Variants in ZNF69 observed in about 807,000 individuals in gnomAD.
The protein encoded by ZNF69 is ZNF3.
Under a neutral mutation model 50.9 loss-of-function variants are expected in ZNF69, and 47 were observed. The observed-to-expected ratio is 0.92, with a 90% CI of 0.73 to 1.18. The LOEUF is 1.18. ZNF69 is among the 50% of genes most tolerant of loss of function. The probability of loss-of-function intolerance (pLI) is 0.00; values close to 1 mark genes in which losing one functional copy is unlikely to be tolerated. For synonymous variants in ZNF69, 216 were observed against 223.1 expected (o/e 0.97, Z 0.29); for missense variants, 717 against 675.1 (o/e 1.06, Z -0.69).
chr19:11,953,411 A>G, the ZNF69 span: 5 of 152,256 alleles, frequency 3.3e-5, no homozygotes, highest in African/African-American at 7.2e-5. Context: ...GGGTGTTCAT[A>G]TGCCAGGAAG....
intron 1 of ZNF69, among the ~76,000 whole-genome samples, chr19:11,890,476 G>A (rs1258959537): frequency 6.6e-6 from 1 of 152,200 alleles, no homozygotes; most frequent in East Asian, 1.9e-4. Flanking sequence ...GCACAGGGTT[G>A]GGGCTAAAGT....
the ZNF69 span, chr19:11,950,369 A>T: frequency 1.9e-6 from 2 of 1,064,000 alleles, no homozygotes; most frequent in Non-Finnish European, 2.8e-6. Flanking sequence ...GAAAGGACTC[A>T]CACTGGGGAG....
At chr19:11,931,923 C>G in the ZNF69 span, among the ~76,000 whole-genome samples, 3 of 147,916 alleles carry the variant, frequency 2.0e-5, no homozygotes, top group South Asian at 6.3e-4. Flanking sequence ...CAAGATCACC[C>G]TGACGAGCAT....
chr19:11,965,650 C>T, the ZNF69 span, among the ~76,000 whole-genome samples: 2 of 152,182 alleles, frequency 1.3e-5, no homozygotes, highest in Non-Finnish European at 2.9e-5. Flanking sequence ...TTTGAGCAAA[C>T]AGCAATTCAG....
At chr19:11,924,638 G>A in the ZNF69 span, among the ~76,000 whole-genome samples, 1 of 152,072 alleles carries the variant, frequency 6.6e-6, no homozygotes, top group African/African-American at 2.4e-5. Flanking sequence ...AGGGGATGGG[G>A]GTGTGTGAGC....
the ZNF69 span, among the ~76,000 whole-genome samples, chr19:11,931,387 A>T: frequency 6.8e-6 from 1 of 148,018 alleles, no homozygotes; most frequent in African/African-American, 2.7e-5. Context: ...AATCTCATTC[A>T]GAAAGGATTT....
the ZNF69 span, among the ~76,000 whole-genome samples, chr19:11,974,318 T>C: frequency 6.6e-6 from 1 of 151,064 alleles, no homozygotes; most frequent in African/African-American, 2.4e-5. Context: ...TGACTCAGCC[T>C]CCCAAGTAGC....
chr19:11,941,628 G>T, the ZNF69 span, among the ~76,000 whole-genome samples: 1 of 152,178 alleles, frequency 6.6e-6, no homozygotes, highest in Non-Finnish European at 1.5e-5. Flanking sequence ...CAGAACTCCA[G>T]CTGGCCCGCA....
the ZNF69 span, chr19:11,977,448 G>A: frequency 2.5e-6 from 4 of 1,613,414 alleles, no homozygotes; most frequent in Non-Finnish European, 3.4e-6. Context: ...GGCACTTAAA[G>A]AGAAAGCAGT....
chr19:11,922,239 A>T, the ZNF69 span, among the ~76,000 whole-genome samples: 1 of 152,228 alleles, frequency 6.6e-6, no homozygotes, highest in Non-Finnish European at 1.5e-5. Context: ...CTTTCAATGC[A>T]GCTACAAGGA....
intron 2 of ZNF69, 52 bp downstream of exon 2, chr19:11,903,751 G>C: frequency 6.2e-7 from 1 of 1,607,948 alleles, no homozygotes; most frequent in Admixed American, 1.7e-5. Flanking sequence ...AGTGTTTCTA[G>C]CTCATCAATG....
chr19:11,900,528 TTTTTACTAGAGACGGGG>T (rs1972221505), intron 1 of ZNF69, among the ~76,000 whole-genome samples: 1 of 152,014 alleles, frequency 6.6e-6, no homozygotes, highest in Non-Finnish European at 1.5e-5. Context: ...AATTTTTGTA[TTTTTACTAGAGACGGGG>T]TTTCACCATG....
the ZNF69 span, chr19:11,978,026 T>C: frequency 6.7e-7 from 1 of 1,499,126 alleles, no homozygotes; most frequent in South Asian, 1.3e-5. Flanking sequence ...GCCTACACCT[T>C]GATGGACCAT....
At chr19:11,919,661 G>A in the ZNF69 span, among the ~76,000 whole-genome samples, 1 of 152,218 alleles carries the variant, frequency 6.6e-6, no homozygotes, top group African/African-American at 2.4e-5. Flanking sequence ...CCCTTTAGGA[G>A]ATCACATACA....
chr19:11,950,005 T>G, the ZNF69 span: 6 of 1,613,892 alleles, frequency 3.7e-6, no homozygotes, highest in Non-Finnish European at 4.2e-6. Context: ...CTGTAAATTC[T>G]CTTCTTTTCA....
chr19:11,929,459 G>C, the ZNF69 span, among the ~76,000 whole-genome samples: 37 of 148,312 alleles, frequency 2.5e-4, 1 homozygote, highest in South Asian at 7.1e-3. Context: ...CACTGCGCCC[G>C]GCCTGACTCA....
chr19:11,917,379 G>T (rs545984568), downstream of ZNF69, among the ~76,000 whole-genome samples: 22 of 152,330 alleles, frequency 1.4e-4, no homozygotes, highest in Middle Eastern at 3.4e-3. Flanking sequence ...CCAGCAGGGT[G>T]TGTGTGGAAT....
At chr19:11,909,658 G>A (rs756502180), downstream of ZNF69, among the ~76,000 whole-genome samples, 2 of 152,138 alleles carry the variant, frequency 1.3e-5, no homozygotes, top group Non-Finnish European at 2.9e-5. Flanking sequence ...GGGTATTGAT[G>A]GGATGTATCT....
chr19:11,906,331 C>A lies in ZNF69; in HGVS notation c.*233C>A, dbSNP rs1972373700. ...TGACAGCTTTGAAGAGAGTAGCAGT[C>A]CTCCCAGCATGGAGTTTGAGATCTA... On this transcript the variant is annotated 3_prime_UTR_variant, in exon 4 of 4. Coordinates refer to ENST00000429654, the MANE Select transcript of ZNF69 (RefSeq NM_001364730.1). 4 of 1,200,942 alleles carry A rather than the reference C, an allele frequency of 3.3e-6. No individual in the cohort carries two copies. The South Asian group carries it at 6.6e-5, about 20-fold the overall frequency. The allele number at this position is 1,200,942 out of a possible 1,614,324, so 74.4% of individuals were successfully genotyped here. A position where few individuals can be genotyped will look rare whatever the true frequency, so the allele number is the denominator to read the frequency against.
Sources: gnomAD v4.1 joint callset for allele counts (sites outside exome capture counted in the v4.1 genomes callset) on GRCh38, gnomAD v4.1.1 for gene constraint, MANE v1.5 for transcripts, NCBI Gene and HGNC (gene_info 2026-07-23, HGNC 2026-07-21) for gene names.